The following DOCK3 variants were observed in gnomAD, a reference collection of about 807,000 sequenced individuals.
DOCK3 encodes the protein dedicator of cytokinesis protein 3.
A neutral mutation model predicts 265.6 loss-of-function variants in DOCK3; 60 were observed. That is an observed-to-expected ratio of 0.23 (90% CI 0.18 to 0.28). DOCK3 has a LOEUF of 0.28. DOCK3 is among the 10% of genes least tolerant of loss of function. The pLI is 1.00. For missense variants in DOCK3, 1,981 were observed against 2,594.3 expected, an observed-to-expected ratio of 0.76 and a Z score of 5.14; for synonymous variants, 881 against 938.0, an observed-to-expected ratio of 0.94 and a Z score of 1.11.
At chr3:51,021,965 A>C (rs2079614687) in intron 5 of DOCK3, among the ~76,000 whole-genome samples, 1 of 152,084 alleles carries the variant, frequency 6.6e-6, no homozygotes, top group South Asian at 2.1e-4. Context: ...CTGGCCGAGA[A>C]TTTACATTTT....
chr3:51,178,466 C>G (rs765572563), intron 12 of DOCK3, among the ~76,000 whole-genome samples: 20 of 152,126 alleles, frequency 1.3e-4, no homozygotes, highest in Non-Finnish European at 2.5e-4. Context: ...GCGTTCACAC[C>G]CCCATTCTGG....
At chr3:51,151,366 A>T (rs921400732) in intron 10 of DOCK3, among the ~76,000 whole-genome samples, 1 of 152,168 alleles carries the variant, frequency 6.6e-6, no homozygotes, top group Non-Finnish European at 1.5e-5. Context: ...TAAAAGGAAA[A>T]CTAACAAACA....
chr3:51,360,684 G>T, intron 47 of DOCK3, 52 bp downstream of exon 47: 1 of 1,608,990 alleles, frequency 6.2e-7, no homozygotes. Flanking sequence ...AGTCTAAATT[G>T]TCAAGGGTCA....
intron 10 of DOCK3, among the ~76,000 whole-genome samples, chr3:51,149,157 G>A (rs1183472112): frequency 1.3e-5 from 2 of 152,046 alleles, no homozygotes; most frequent in Admixed American, 1.3e-4. Flanking sequence ...TATTGGTGTA[G>A]AGGAATGCTT....
chr3:50,682,101 T>C (rs534984746), intron 1 of DOCK3, among the ~76,000 whole-genome samples: 1 of 152,212 alleles, frequency 6.6e-6, no homozygotes, highest in African/African-American at 2.4e-5. Context: ...TCATAAACTT[T>C]AGAACTCTAA....
chr3:51,058,462 CATAG>C (rs916877799), intron 5 of DOCK3, among the ~76,000 whole-genome samples: 2 of 152,008 alleles, frequency 1.3e-5, no homozygotes, highest in African/African-American at 4.8e-5. Flanking sequence ...TATATTCTTG[CATAG>C]ATAGTGTGTG....
chr3:51,270,931 C>T lies in DOCK3; in HGVS notation c.2472C>T (p.His824=). Residue 824 remains histidine (H), a synonymous_variant, in exon 24 of 53, where the codon CAC becomes CAT. Transcript: ENST00000266037. The stretch of plus-strand genomic sequence containing the variant: ...TGGGGAGCATGCCCAGCACTGTGCA[C>T]ATTGGGCAGTCAATGGACGTGGTCA... ...GTLGSMPSTV[H]IGQSMDVVKL... 7.4e-6 allele frequency: 12 copies of T among 1,614,010 alleles called. No homozygotes were observed. Among genetic ancestry groups the T allele is most frequent in the Non-Finnish European group, 1.0e-5 (12 of 1,179,898 alleles).
At chr3:50,897,194 C>T (rs1265892427) in intron 4 of DOCK3, among the ~76,000 whole-genome samples, 2 of 152,108 alleles carry the variant, frequency 1.3e-5, no homozygotes, top group Non-Finnish European at 2.9e-5. Context: ...TTGAAGAGGT[C>T]CTTCACATCC....
At chr3:50,860,599 A>T (rs1159697607) in intron 3 of DOCK3, among the ~76,000 whole-genome samples, 1 of 152,184 alleles carries the variant, frequency 6.6e-6, no homozygotes, top group African/African-American at 2.4e-5. Flanking sequence ...GGACCTACTT[A>T]AAAAAGCAGT....
At chr3:50,762,391 T>C (rs2249775) in intron 1 of DOCK3, among the ~76,000 whole-genome samples, 147,334 of 152,246 alleles carry the variant, frequency 0.97, 71,493 homozygotes, top group Middle Eastern at 1. Flanking sequence ...ATGTTAAAAC[T>C]AACATTATTC....
chr3:50,849,261 C>T (rs2046241260), intron 3 of DOCK3, among the ~76,000 whole-genome samples: 1 of 151,672 alleles, frequency 6.6e-6, no homozygotes, highest in African/African-American at 2.4e-5. Context: ...TTTCGAATTC[C>T]TGGGCTCAAG....
At chr3:50,921,258 C>G (rs1223449323) in intron 4 of DOCK3, among the ~76,000 whole-genome samples, 2 of 152,112 alleles carry the variant, frequency 1.3e-5, no homozygotes, top group Non-Finnish European at 2.9e-5. Context: ...TCTTTTTACT[C>G]TTTTTTCTCT....
At chr3:51,164,418 T>A (rs6780575) in intron 12 of DOCK3, among the ~76,000 whole-genome samples, 3 of 151,944 alleles carry the variant, frequency 2.0e-5, no homozygotes, top group African/African-American at 7.3e-5. Flanking sequence ...GTCAGGAGAT[T>A]GAGACCATCC....
chr3:51,280,237 G>A (rs533260618), intron 27 of DOCK3, 33 bp downstream of exon 27: 2 of 1,597,140 alleles, frequency 1.3e-6, no homozygotes, highest in South Asian at 1.1e-5. Flanking sequence ...TCTGGGAGAG[G>A]AAGTGTGCAG....
At chr3:50,684,710 GT>G (rs1194186111) in intron 1 of DOCK3, among the ~76,000 whole-genome samples, 2 of 152,208 alleles carry the variant, frequency 1.3e-5, no homozygotes, top group Non-Finnish European at 2.9e-5. Flanking sequence ...GGAATGCTGT[GT>G]TTTGGATGAG....
chr3:51,049,005 T>A (rs1377918761), intron 5 of DOCK3, among the ~76,000 whole-genome samples: 1 of 152,168 alleles, frequency 6.6e-6, no homozygotes, highest in Non-Finnish European at 1.5e-5. Flanking sequence ...GCTTTCGGTC[T>A]CTACTTACAA....
intron 5 of DOCK3, among the ~76,000 whole-genome samples, chr3:51,031,296 A>G (rs1382068280): frequency 6.6e-6 from 1 of 152,182 alleles, no homozygotes; most frequent in Non-Finnish European, 1.5e-5. Flanking sequence ...GTACAAGATC[A>G]TAAAACCATA....
rs1472292164 is a variant in DOCK3 at position 51,248,908 on chromosome 3, G to C, written c.2184+2101G>C. Among the ~76,000 whole-genome samples the C allele has an allele frequency of 3.3e-5, 5 of 149,462 alleles. No individual in the cohort carries two copies. The East Asian group carries it at 1.1e-3, about 31-fold the overall frequency. On this transcript the variant is annotated intron_variant, in intron 22 of 52. Coordinates refer to ENST00000266037, the MANE Select transcript of DOCK3 (RefSeq NM_004947.5). ...CCACCCCGTCTGGGAGGTGAGGAGC[G>C]TCTCTGCCCGGCCGCCCCATCTGAG...
At chr3:50,787,427 C>T (rs778488687) in intron 2 of DOCK3, 8 of 405,844 alleles carry the variant, frequency 2.0e-5, no homozygotes, top group East Asian at 1.2e-4. Context: ...CCCAGCTACT[C>T]GGGAGGCTGA....
Sources: gnomAD v4.1 joint callset for allele counts (sites outside exome capture counted in the v4.1 genomes callset) on GRCh38, gnomAD v4.1.1 for gene constraint, MANE v1.5 for transcripts, NCBI Gene and HGNC (gene_info 2026-07-23, HGNC 2026-07-21) for gene names.